SCTR: variants seen among roughly 807,000 people sequenced by gnomAD.
SCTR encodes pancreatic secretin receptor.
SCTR carries 56 observed loss-of-function variants against 60.8 expected under a neutral mutation model. The observed-to-expected ratio is 0.92, with a 90% CI of 0.74 to 1.15. The LOEUF is 1.15. Ranked by LOEUF, SCTR falls within the 50% of genes most tolerant of loss-of-function variation. The probability of loss-of-function intolerance (pLI) is 0.00; values close to 1 mark genes in which losing one functional copy is unlikely to be tolerated. For synonymous variants in SCTR, 202 were observed against 217.0 expected, an observed-to-expected ratio of 0.93 and a Z score of 0.61; for missense variants, 562 against 550.4, an observed-to-expected ratio of 1.02 and a Z score of -0.21.
chr2:119,441,571 A>G lies in SCTR; in HGVS notation c.1169T>C (p.Phe390Ser). The G allele has an allele frequency of 6.2e-7, 1 of 1,613,052 alleles. No individual in the cohort carries two copies. The highest frequency in any genetic ancestry group is 8.5e-7 in the Non-Finnish European group (1 of 1,179,456). ...QGLVVAVLYC[F>S]LNGEVQLEVQ... The stretch of plus-strand genomic sequence containing the variant: ...AAGACTACTCACCTCCCCATTGAGG[A>G]AGCAGTAGAGGACGGCCACCACCAG... The change falls in exon 12 of 13, where the codon TTC (phenylalanine) becomes TCC (serine). Residue 390 changes from phenylalanine to serine, a missense_variant. Phe to Ser is a radical substitution (Grantham distance 155). Transcript: ENST00000019103.
intron 7 of SCTR, among the ~76,000 whole-genome samples, chr2:119,457,018 C>A (rs1402812813): frequency 4.6e-5 from 7 of 152,230 alleles, no homozygotes; most frequent in Non-Finnish European, 8.8e-5. Flanking sequence ...TTTCAGACTT[C>A]TGGCCTCCAG....
chr2:119,521,137 A>C (rs1427235991), intron 1 of SCTR, among the ~76,000 whole-genome samples: 4 of 152,158 alleles, frequency 2.6e-5, no homozygotes, highest in African/African-American at 9.6e-5. Context: ...TGAAGGAAAA[A>C]CCAGCCCCAC....
intron 1 of SCTR, among the ~76,000 whole-genome samples, chr2:119,507,678 TTC>T (rs1558879768): frequency 3.6e-5 from 3 of 83,868 alleles, no homozygotes; most frequent in African/African-American, 7.3e-5. Context: ...TTTTTTTTTT[TTC>T]TTTTTTTTTT....
chr2:119,469,575 C>T (rs994149747), intron 4 of SCTR, among the ~76,000 whole-genome samples: 6 of 152,182 alleles, frequency 3.9e-5, no homozygotes, highest in African/African-American at 1.4e-4. Context: ...ACTACAGCCT[C>T]AACCTCCCAG....
chr2:119,475,654 A>G (rs1677248015), intron 3 of SCTR, among the ~76,000 whole-genome samples: 3 of 138,824 alleles, frequency 2.2e-5, no homozygotes, highest in South Asian at 2.1e-4. Context: ...TATAATATAA[A>G]TAGATATTTA....
chr2:119,477,944 G>A (rs1243775601), intron 3 of SCTR, among the ~76,000 whole-genome samples: 1 of 152,218 alleles, frequency 6.6e-6, no homozygotes, highest in Non-Finnish European at 1.5e-5. Flanking sequence ...CCAAATATGT[G>A]TGTGTGTGCA....
chr2:119,518,439 G>C (rs1573934175), intron 1 of SCTR, among the ~76,000 whole-genome samples: 1 of 151,184 alleles, frequency 6.6e-6, no homozygotes, highest in East Asian at 1.9e-4. Flanking sequence ...AGTGGGGTGG[G>C]GCATGGCAGG....
At position 119,444,920 on chromosome 2, in the gene SCTR, A is replaced by AATATACACATATATTCGTACGAAT. The variant is rs1682860288; in HGVS notation, c.1140+1815_1140+1838dup. ...GAATATATATACATATATTCGTACG[A>AATATACACATATATTCGTACGAAT]ATATACACATATATTCGTACGAATA... On this transcript the variant is annotated intron_variant, in intron 11 of 12. Coordinates refer to ENST00000019103, the MANE Select transcript of SCTR (RefSeq NM_002980.3). Among the ~76,000 whole-genome samples, 3 of 1,240 alleles carry AATATACACATATATTCGTACGAAT rather than the reference A, an allele frequency of 2.4e-3. 1 individual carries two copies. The highest frequency in any genetic ancestry group is 3.8e-3 in the Non-Finnish European group (3 of 792). 0.8% of individuals were successfully genotyped at this position (1,240 alleles called of 152,430 possible).
intron 9 of SCTR, among the ~76,000 whole-genome samples, chr2:119,450,855 G>A (rs907556282): frequency 3.9e-5 from 6 of 152,128 alleles, no homozygotes; most frequent in African/African-American, 1.2e-4. Flanking sequence ...CCAGCTACTC[G>A]GGAGGCTGAT....
intron 1 of SCTR, among the ~76,000 whole-genome samples, chr2:119,507,672 T>TC (rs1678786933): frequency 1.6e-5 from 2 of 128,092 alleles, no homozygotes; most frequent in Admixed American, 8.0e-5. Context: ...TCTTTTTTTT[T>TC]TTTTTTTCTT....
intron 1 of SCTR, among the ~76,000 whole-genome samples, chr2:119,510,764 G>A (rs1331315029): frequency 2.0e-5 from 3 of 151,802 alleles, no homozygotes; most frequent in Non-Finnish European, 4.4e-5. Context: ...ACCACACTGA[G>A]CCTTTTTTTT....
At chr2:119,523,824 C>T (rs1679367505) in intron 1 of SCTR, among the ~76,000 whole-genome samples, 1 of 152,096 alleles carries the variant, frequency 6.6e-6, no homozygotes, top group Non-Finnish European at 1.5e-5. Flanking sequence ...GGCAAAGCGC[C>T]CAGGACACAG....
chr2:119,524,287 C>G lies in SCTR; in HGVS notation c.-61G>C. 8.5e-7 allele frequency: 1 copy of G among 1,181,132 alleles called. No individual in the cohort carries two copies. The highest frequency in any genetic ancestry group is 1.1e-6 in the Non-Finnish European group (1 of 900,990). 73.2% of individuals were successfully genotyped at this position (1,181,132 alleles called of 1,614,324 possible). A position where few individuals can be genotyped will look rare whatever the true frequency, so the allele number is the denominator to read the frequency against. ...CGCCTGCCCGTGCCCTCTGCCCGCT[C>G]GGGAGCTCAGCGCCCCGCGCAGGGT... On this transcript the variant is annotated 5_prime_UTR_variant, in exon 1 of 13. Transcript: ENST00000019103.
At chr2:119,452,920 G>A (rs991997298) in intron 8 of SCTR, among the ~76,000 whole-genome samples, 5 of 152,126 alleles carry the variant, frequency 3.3e-5, no homozygotes, top group African/African-American at 1.2e-4. Flanking sequence ...AAACACCCAG[G>A]GGTAGAGAGG....
chr2:119,450,175 G>GGAAA (rs143743522), intron 9 of SCTR, among the ~76,000 whole-genome samples: 1 of 152,130 alleles, frequency 6.6e-6, no homozygotes, highest in East Asian at 1.9e-4. Context: ...CAGAAAACAA[G>GGAAA]GAAAGAAAGA....
chr2:119,479,421 AAT>A (rs1349243090), intron 2 of SCTR: 1 of 246,548 alleles, frequency 4.1e-6, no homozygotes, highest in Non-Finnish European at 6.5e-6. Flanking sequence ...CCTTACAGGT[AAT>A]TCTAACGTTT....
intron 1 of SCTR, among the ~76,000 whole-genome samples, chr2:119,513,424 T>G (rs1009886181): frequency 6.6e-6 from 1 of 152,176 alleles, no homozygotes; most frequent in Non-Finnish European, 1.5e-5. Context: ...CCTCAAAAAT[T>G]TAATAAGAGA....
At chr2:119,505,820 A>C (rs1678722152) in intron 1 of SCTR, among the ~76,000 whole-genome samples, 1 of 152,230 alleles carries the variant, frequency 6.6e-6, no homozygotes, top group South Asian at 2.1e-4. Flanking sequence ...ACTAACCTGC[A>C]TGTTGTGCAC....
Position 119,464,189 on chromosome 2 carries a change from C to G in SCTR, c.570G>C (p.Leu190=). ...HLFVSFILRA[L]SNFIKDAVLF... is the part of the protein sequence containing the mutation. The stretch of plus-strand genomic sequence containing the variant: ...GCACGGCGTCCTTGATGAAGTTGGA[C>G]AGGGCACGAAGGATGAAGGACACGA... The change falls in exon 6 of 13, where the codon CTG becomes CTC. Residue 190 remains leucine, a synonymous_variant. Coordinates refer to ENST00000019103, the MANE Select transcript of SCTR (RefSeq NM_002980.3). 1 of 1,614,180 alleles carries G rather than the reference C, an allele frequency of 6.2e-7. No individual in the cohort carries two copies. Among genetic ancestry groups the G allele is most frequent in the Non-Finnish European group, 8.5e-7 (1 of 1,180,022 alleles).
Sources: allele counts gnomAD v4.1 joint callset (sites outside exome capture counted in the v4.1 genomes callset), GRCh38; gene constraint gnomAD v4.1.1; transcripts MANE v1.5; gene names NCBI Gene and HGNC (gene_info 2026-07-23, HGNC 2026-07-21).